The following PVT1 variants were observed in gnomAD, a reference collection of about 807,000 sequenced individuals.
The protein encoded by PVT1 is CXCR4/PVT1 fusion.
At chr8:127,865,294 G>T (rs943055351) in intron 2 of PVT1, among the ~76,000 whole-genome samples, 1 of 152,182 alleles carries the variant, frequency 6.6e-6, no homozygotes, top group African/African-American at 2.4e-5. Context: ...GGCAGCCTGA[G>T]GATGGGGATA....
At chr8:128,098,971 C>T (rs1814465690) in intron 6 of PVT1, among the ~76,000 whole-genome samples, 1 of 152,214 alleles carries the variant, frequency 6.6e-6, no homozygotes, top group Non-Finnish European at 1.5e-5. Context: ...AGCAGCTTTT[C>T]TGGACTTTTC....
At chr8:127,974,494 A>G (rs140119316) in intron 3 of PVT1, among the ~76,000 whole-genome samples, 3 of 152,308 alleles carry the variant, frequency 2.0e-5, no homozygotes, top group Non-Finnish European at 4.4e-5. Flanking sequence ...GATTCACTGC[A>G]ACCTCTTTCT....
intron 4 of PVT1, among the ~76,000 whole-genome samples, chr8:128,030,860 A>G (rs1284253740): frequency 6.6e-6 from 1 of 152,142 alleles, no homozygotes; most frequent in Admixed American, 6.5e-5. Flanking sequence ...ACCATGTCAG[A>G]TTGTCTTTGA....
intron 2 of PVT1, among the ~76,000 whole-genome samples, chr8:127,848,655 C>G (rs903840984): frequency 6.6e-6 from 1 of 152,158 alleles, no homozygotes; most frequent in Admixed American, 6.6e-5. Context: ...TGCACTCCAG[C>G]CTGGGCAACA....
intron 3 of PVT1, among the ~76,000 whole-genome samples, chr8:127,950,036 C>T (rs376473987): frequency 6.6e-6 from 1 of 152,240 alleles, no homozygotes; most frequent in East Asian, 1.9e-4. Flanking sequence ...AGTTTCCCTC[C>T]AACTTAAGCC....
At chr8:128,095,387 G>C (rs1814414861) in intron 5 of PVT1, among the ~76,000 whole-genome samples, 1 of 152,320 alleles carries the variant, frequency 6.6e-6, no homozygotes, top group South Asian at 2.1e-4. Flanking sequence ...TTCTAGAACA[G>C]TGCCTGGCTG....
intron 4 of PVT1, among the ~76,000 whole-genome samples, chr8:128,065,768 CT>C (rs1163763096): frequency 6.6e-6 from 1 of 152,152 alleles, no homozygotes; most frequent in Non-Finnish European, 1.5e-5. Flanking sequence ...AAAAAACTGG[CT>C]AACTTCTTAG....
intron 2 of PVT1, among the ~76,000 whole-genome samples, chr8:127,845,605 G>T (rs1586404055): frequency 6.6e-6 from 1 of 152,196 alleles, no homozygotes; most frequent in Admixed American, 6.6e-5. Flanking sequence ...TTATATAGCA[G>T]ACTCAACATT....
chr8:127,899,360 A>G (rs1454080091), intron 3 of PVT1, among the ~76,000 whole-genome samples: 1 of 152,166 alleles, frequency 6.6e-6, no homozygotes, highest in African/African-American at 2.4e-5. Flanking sequence ...AACATGATGC[A>G]TAGTAAGCCC....
At chr8:127,918,869 G>C (rs1241254944) in intron 3 of PVT1, among the ~76,000 whole-genome samples, 1 of 152,192 alleles carries the variant, frequency 6.6e-6, no homozygotes, top group African/African-American at 2.4e-5. Flanking sequence ...CTGGCCACTT[G>C]TCTGTTTAGT....
chr8:127,850,369 C>G (rs1200447284), intron 2 of PVT1, among the ~76,000 whole-genome samples: 1 of 152,268 alleles, frequency 6.6e-6, no homozygotes, highest in East Asian at 1.9e-4. Flanking sequence ...CATTGGAAAC[C>G]TGACTGGAAA....
At chr8:128,071,225 A>G (rs1379068499) in intron 5 of PVT1, among the ~76,000 whole-genome samples, 1 of 152,198 alleles carries the variant, frequency 6.6e-6, no homozygotes, top group African/African-American at 2.4e-5. Context: ...AGGGCAGAGC[A>G]CCAAAGTTCC....
At chr8:127,798,704 CAAAAAAA>C (rs71300266) in intron 2 of PVT1, among the ~76,000 whole-genome samples, 21,510 of 110,488 alleles carry the variant, frequency 0.19, 1,821 homozygotes, top group South Asian at 0.29. Flanking sequence ...ACTAAAAATA[CAAAAAAA>C]AAAAAAAAAA....
intron 4 of PVT1, among the ~76,000 whole-genome samples, chr8:127,991,833 T>C (rs549533345): frequency 5.9e-4 from 90 of 152,202 alleles, no homozygotes; most frequent in African/African-American, 2.1e-3. Flanking sequence ...TAAAGGCACT[T>C]CTCACACTGG....
At position 127,898,741 on chromosome 8, in the gene PVT1, T is replaced by G. The variant is rs1007182790; in HGVS notation, n.782+7743T>G. Reference sequence around the variant, plus strand: ...GGGGTGAGGCGGTGGCGTGGGGGCTTCTTCCCTCTCTCTCTGTCTTGTAGC... The same window carrying G: ...GGGGTGAGGCGGTGGCGTGGGGGCTGCTTCCCTCTCTCTCTGTCTTGTAGC... On this transcript the variant is annotated intron_variant and non_coding_transcript_variant, in intron 3 of 10. Coordinates refer to ENST00000651587, the Ensembl canonical transcript of PVT1. The surrounding 1 kb of genome is among the most constrained non-coding windows in gnomAD (Gnocchi z 4.4). Among the ~76,000 whole-genome samples the G allele has an allele frequency of 2.0e-5, 3 of 152,180 alleles. No homozygotes were observed. The highest frequency in any genetic ancestry group is 4.4e-5 in the Non-Finnish European group (3 of 68,022).
chr8:128,047,477 CA>C (rs1813631137), intron 4 of PVT1, among the ~76,000 whole-genome samples: 2 of 152,298 alleles, frequency 1.3e-5, no homozygotes, highest in South Asian at 4.1e-4. Flanking sequence ...ACTAGAGCCC[CA>C]CCAGGTCTGA....
chr8:128,013,154 T>G (rs1246529300), intron 4 of PVT1, among the ~76,000 whole-genome samples: 1 of 152,122 alleles, frequency 6.6e-6, no homozygotes, highest in Non-Finnish European at 1.5e-5. Flanking sequence ...TTTTACTAGC[T>G]CTGTGACCTC....
At chr8:128,016,175 G>T (rs941456577) in intron 4 of PVT1, among the ~76,000 whole-genome samples, 4 of 151,902 alleles carry the variant, frequency 2.6e-5, no homozygotes, top group African/African-American at 4.8e-5. Flanking sequence ...CTACTTAAGA[G>T]ACTGAATAGG....
intron 4 of PVT1, among the ~76,000 whole-genome samples, chr8:128,068,975 G>A (rs186721977): frequency 1.1e-4 from 16 of 152,350 alleles, no homozygotes; most frequent in Admixed American, 3.3e-4. Context: ...AAAGCTGTGT[G>A]ACAAAAGGGG....
Sources: allele counts gnomAD v4.1 joint callset (sites outside exome capture counted in the v4.1 genomes callset), GRCh38; gene constraint gnomAD v4.1.1; non-coding constraint Gnocchi (gnomAD v3.1); transcripts MANE v1.5; gene names NCBI Gene and HGNC (gene_info 2026-07-23, HGNC 2026-07-21).